Variants in PHF20L1 observed in about 807,000 individuals in gnomAD.
PHF20L1 encodes PHD finger protein 20-like protein 1.
PHF20L1 carries 44 observed loss-of-function variants against 125.5 expected under a neutral mutation model. That is an observed-to-expected ratio of 0.35 (90% CI 0.28 to 0.45). The LOEUF (loss-of-function observed/expected upper bound fraction) is 0.45, where lower values mean the gene tolerates loss of function less well. Ranked by LOEUF, PHF20L1 falls within the 20% of genes least tolerant of loss-of-function variation. The pLI, the probability that PHF20L1 is intolerant of heterozygous loss-of-function variation, is 1.00. For synonymous variants in PHF20L1, 380 were observed against 403.1 expected, an observed-to-expected ratio of 0.94 and a Z score of 0.69; for missense variants, 1,012 against 1,217.2, an observed-to-expected ratio of 0.83 and a Z score of 2.51.
chr8:132,786,215 G>A (rs1298605961), intron 2 of PHF20L1, among the ~76,000 whole-genome samples: 4 of 151,864 alleles, frequency 2.6e-5, no homozygotes, highest in Non-Finnish European at 5.9e-5. Flanking sequence ...AGTTTCAAAC[G>A]TGATGAAAGT....
Position 132,777,882 on chromosome 8 carries a change from T to A in PHF20L1, c.54T>A (p.Arg18=). 1 of 1,612,572 alleles carries A rather than the reference T, an allele frequency of 6.2e-7. No homozygotes were observed. The highest frequency in any genetic ancestry group is 8.5e-7 in the Non-Finnish European group (1 of 1,178,716). The change falls in exon 2 of 21, where the codon CGT becomes CGA. Residue 18 remains arginine, a synonymous_variant. Transcript: ENST00000395386. ...GAATCACTTTTGAGATTGGTGCTCG[T>A]TTGGAGGCACTGGACTACTTACAAA... The part of the protein sequence containing the change: ...RPGITFEIGA[R]LEALDYLQKW...
Position 132,803,857 on chromosome 8 carries a change from A to C in PHF20L1, c.546A>C (p.Ala182=). The C allele has an allele frequency of 6.2e-7, 1 of 1,609,146 alleles. No homozygotes were observed. Among genetic ancestry groups the C allele is most frequent in the Non-Finnish European group, 8.5e-7 (1 of 1,176,864 alleles). Residue 182 remains alanine, a synonymous_variant, in exon 7 of 21, where the codon GCA becomes GCC. Coordinates refer to ENST00000395386, the MANE Select transcript of PHF20L1 (RefSeq NM_016018.5). ...IALVKAAAAA[A]AKNKTGSKPR... is the part of the protein sequence containing the mutation. ...TAGTCAAAGCAGCTGCTGCAGCTGC[A>C]GCCAAGAACAAAACAGGGAGTAAAC...
At chr8:132,831,623 A>G (rs1011006792) in intron 14 of PHF20L1, among the ~76,000 whole-genome samples, 1 of 151,912 alleles carries the variant, frequency 6.6e-6, no homozygotes, top group African/African-American at 2.4e-5. Context: ...GTGAATTTCC[A>G]TCTTGCATAT....
chr8:132,845,373 A>G (rs1032050700), intron 20 of PHF20L1, among the ~76,000 whole-genome samples: 3 of 152,054 alleles, frequency 2.0e-5, no homozygotes, highest in African/African-American at 7.2e-5. Flanking sequence ...TTTTATGTAG[A>G]GATGACGAGT....
intron 4 of PHF20L1, 85 bp from the exon 5 acceptor site, chr8:132,798,687 A>G (rs1832695250): frequency 4.9e-6 from 4 of 820,692 alleles, no homozygotes; most frequent in South Asian, 1.7e-5. Flanking sequence ...GCATTTATCT[A>G]TACAAGTCAC....
intron 2 of PHF20L1, among the ~76,000 whole-genome samples, chr8:132,793,431 C>G (rs538438779): frequency 6.6e-6 from 1 of 151,994 alleles, no homozygotes; most frequent in Non-Finnish European, 1.5e-5. Flanking sequence ...ATATAAAGTC[C>G]ATTGTACTTT....
intron 14 of PHF20L1, among the ~76,000 whole-genome samples, chr8:132,830,901 G>A (rs904509311): frequency 1.3e-5 from 2 of 151,906 alleles, no homozygotes; most frequent in African/African-American, 4.8e-5. Flanking sequence ...ACCCACTTTT[G>A]TTGCCTTGTT....
At chr8:132,780,747 A>G (rs1830326934) in intron 2 of PHF20L1, among the ~76,000 whole-genome samples, 1 of 152,202 alleles carries the variant, frequency 6.6e-6, no homozygotes, top group Admixed American at 6.5e-5. Flanking sequence ...CTGAGAAACT[A>G]ACTTATCACA....
At chr8:132,818,919 G>T (rs951806479) in intron 12 of PHF20L1, 1 of 151,804 alleles carries the variant, frequency 6.6e-6, no homozygotes, top group Non-Finnish European at 1.5e-5. Flanking sequence ...TTCTTTAAAA[G>T]TATTCTAATA....
chr8:132,839,353 G>C, intron 17 of PHF20L1, 34 bp from the exon 18 acceptor site: 2 of 1,532,426 alleles, frequency 1.3e-6, no homozygotes, highest in Non-Finnish European at 9.0e-7. Context: ...AGTAAGTGCA[G>C]TCCTCTGTGA....
intron 20 of PHF20L1, among the ~76,000 whole-genome samples, chr8:132,844,818 A>G (rs1384442242): frequency 6.6e-6 from 1 of 152,120 alleles, no homozygotes; most frequent in Non-Finnish European, 1.5e-5. Context: ...GGCAAGAAAG[A>G]TACTATCACT....
rs1205454496 is a variant in PHF20L1, at chr8:132,823,622, A to G, written c.1580-382A>G. Among the ~76,000 whole-genome samples, 3 of 151,970 alleles carry G rather than the reference A, an allele frequency of 2.0e-5. No homozygotes were observed. The East Asian group carries it at 5.8e-4, about 29-fold the overall frequency. ...AAATTACGTATTTACCAGTCTTTGG[A>G]CTAGACATCTTCCACATTTTGACTC... On this transcript the variant is annotated intron_variant, in intron 12 of 20. Transcript: ENST00000395386.
At chr8:132,844,018 C>T (rs1838200366) in intron 19 of PHF20L1, 138 bp from the exon 20 acceptor site, 2 of 1,436,744 alleles carry the variant, frequency 1.4e-6, no homozygotes, top group Non-Finnish European at 1.8e-6. Context: ...TGTAGCAGTA[C>T]TTCTTTAAAG....
chr8:132,839,454 A>G lies in PHF20L1; in HGVS notation c.2259A>G (p.Leu753=), dbSNP rs1837705808. Residue 753 remains leucine (L), a synonymous_variant, in exon 18 of 21, where the codon TTA becomes TTG. Coordinates refer to ENST00000395386, the MANE Select transcript of PHF20L1 (RefSeq NM_016018.5). The stretch of plus-strand genomic sequence containing the variant: ...TGAATAATGGGAGAATGTGCGGGTT[A>G]TCATTTTTCAAAGAAAATTATTCTC... ...EWLNNGRMCG[L]SFFKENYSHL... 3 of 1,613,354 alleles carry G rather than the reference A, an allele frequency of 1.9e-6. No homozygotes were observed. The highest frequency in any genetic ancestry group is 2.5e-6 in the Non-Finnish European group (3 of 1,179,394).
At chr8:132,828,128 A>G (rs1386253630) in intron 14 of PHF20L1, among the ~76,000 whole-genome samples, 2 of 152,048 alleles carry the variant, frequency 1.3e-5, no homozygotes, top group African/African-American at 2.4e-5. Flanking sequence ...TGAGGCTTCT[A>G]GTATGTTTTT....
At chr8:132,822,233 A>G (rs918387146) in intron 12 of PHF20L1, among the ~76,000 whole-genome samples, 5 of 151,940 alleles carry the variant, frequency 3.3e-5, no homozygotes, top group Non-Finnish European at 7.4e-5. Flanking sequence ...GAATGACTGC[A>G]TCTCTTCTGC....
rs530849114 is a variant in PHF20L1 at position 132,797,157 on chromosome 8, C to G, written c.341-1615C>G. Among the ~76,000 whole-genome samples, 8 of 152,104 alleles carry G rather than the reference C, an allele frequency of 5.3e-5. No homozygotes were observed. In the South Asian group the frequency reaches 1.7e-3, roughly 32 times the overall value. On this transcript the variant is annotated intron_variant, in intron 4 of 20. Transcript: ENST00000395386. ...ACACATAGTGAAATATTGGCAGATA[C>G]TATTTGTTTTCTGAAAGGTATTAAT...
chr8:132,825,444 CA>C, intron 14 of PHF20L1, 73 bp downstream of exon 14: 2 of 1,246,686 alleles, frequency 1.6e-6, no homozygotes, highest in Non-Finnish European at 2.1e-6. Flanking sequence ...TTTTCTTTTA[CA>C]AAATGGAGTC....
intron 2 of PHF20L1, among the ~76,000 whole-genome samples, chr8:132,786,690 A>G (rs1408241168): frequency 6.6e-6 from 1 of 152,104 alleles, no homozygotes. Flanking sequence ...AACATGAGCA[A>G]GTTACTGAAT....
Sources: allele counts gnomAD v4.1 joint callset (sites outside exome capture counted in the v4.1 genomes callset), GRCh38; gene constraint gnomAD v4.1.1; transcripts MANE v1.5; gene names NCBI Gene and HGNC (gene_info 2026-07-23, HGNC 2026-07-21).